The following OPHN1 variants were observed in gnomAD, a reference collection of about 807,000 sequenced individuals.
OPHN1 encodes oligophrenin-1.
A neutral mutation model predicts 60.7 loss-of-function variants in OPHN1; 11 were observed. The ratio of observed to expected loss-of-function variants is 0.18; its 90% CI spans 0.11 to 0.30. OPHN1 has a LOEUF of 0.30. Among genes scored for constraint, OPHN1 ranks in the 10% least tolerant of loss-of-function variants. The probability of loss-of-function intolerance (pLI) is 1.00; values close to 1 mark genes in which losing one functional copy is unlikely to be tolerated. For synonymous variants in OPHN1, 226 were observed against 222.6 expected, an observed-to-expected ratio of 1.02 and a Z score of -0.14; for missense variants, 449 against 611.0, an observed-to-expected ratio of 0.73 and a Z score of 2.80.
In OPHN1 at chrX:68,193,028, T is replaced by A. The variant is rs759312359; in HGVS notation, c.1202-35A>T. On this transcript the variant is annotated intron_variant, in intron 14 of 24. Transcript: ENST00000355520. Reference sequence around the variant, plus strand: ...GAAAAAATCAGGTTAATTTCACTTGTATAGCTAGAGTTGTCATCTCCCCTT... The same window carrying A: ...GAAAAAATCAGGTTAATTTCACTTGAATAGCTAGAGTTGTCATCTCCCCTT... The A allele has an allele frequency of 4.6e-6, 5 of 1,081,285 alleles. No homozygotes were observed. The South Asian group carries it at 9.3e-5, about 20-fold the overall frequency. 89.1% of individuals were successfully genotyped at this position (1,081,285 alleles called of 1,213,427 possible).
In OPHN1 at chrX:68,422,813, AAAAG is replaced by A. The variant is rs746621814; in HGVS notation, c.154+10050_154+10053del. ...AGGGAGGGAGGGAGGGAGGGAGGGA[AAAAG>A]AAAGAAAGAAAGAGAAAGAGGAAAG... On this transcript the variant is annotated intron_variant, in intron 2 of 24. Transcript: ENST00000355520. Among the ~76,000 whole-genome samples the A allele has an allele frequency of 7.1e-4, 74 of 104,382 alleles. 1 individual carries two copies. The highest frequency in any genetic ancestry group is 2.2e-3 in the African/African-American group (62 of 28,620). The allele number at this position is 104,382 out of a possible 115,157, so 90.6% of individuals were successfully genotyped here.
intron 19 of OPHN1, 105 bp downstream of exon 19, chrX:68,096,765 T>C (rs2077039597): frequency 1.6e-5 from 13 of 826,850 alleles, no homozygotes; most frequent in Non-Finnish European, 2.4e-5. Context: ...TGGGATTTCC[T>C]TTCACTGTCA....
intron 6 of OPHN1, among the ~76,000 whole-genome samples, chrX:68,228,692 C>G (rs957660158): frequency 3.6e-5 from 4 of 110,906 alleles, no homozygotes; most frequent in Non-Finnish European, 7.5e-5. Flanking sequence ...GCAGAAAAGG[C>G]CTATGACAAA....
At chrX:68,158,800 A>G (rs1849331871) in intron 15 of OPHN1, among the ~76,000 whole-genome samples, 1 of 111,894 alleles carries the variant, frequency 8.9e-6, no homozygotes, top group South Asian at 3.7e-4. Context: ...CAAAAGCTCT[A>G]TGGAGGCAAT....
chrX:68,362,066 A>T (rs1196625172), intron 2 of OPHN1, among the ~76,000 whole-genome samples: 1 of 112,144 alleles, frequency 8.9e-6, no homozygotes, highest in African/African-American at 3.2e-5. Flanking sequence ...AAATCAGGTT[A>T]TTCATTTCCT....
chrX:68,211,329 C>A (rs183363208), intron 8 of OPHN1, among the ~76,000 whole-genome samples: 3 of 112,255 alleles, frequency 2.7e-5, no homozygotes, highest in Admixed American at 9.4e-5. Flanking sequence ...CTGACTCTAC[C>A]AGGTAGCCAA....
At chrX:68,320,780 A>G in intron 2 of OPHN1, among the ~76,000 whole-genome samples, 1 of 111,735 alleles carries the variant, frequency 8.9e-6, no homozygotes, top group Non-Finnish European at 1.9e-5. Flanking sequence ...ACCCAAGTCC[A>G]GGTCTCTGGA....
intron 2 of OPHN1, among the ~76,000 whole-genome samples, chrX:68,423,315 G>A (rs2078839461): frequency 9.0e-6 from 1 of 111,548 alleles, no homozygotes; most frequent in Non-Finnish European, 1.9e-5. Context: ...ATGAGCCACC[G>A]CGCCCAGCCA....
intron 15 of OPHN1, chrX:68,133,082 G>T (rs993007280): frequency 3.9e-5 from 21 of 540,845 alleles, no homozygotes; most frequent in Non-Finnish European, 6.0e-5. Context: ...TACAATTCCG[G>T]AGAAAATTTT....
At chrX:68,324,131 A>G (rs761794234) in intron 2 of OPHN1, among the ~76,000 whole-genome samples, 2 of 112,032 alleles carry the variant, frequency 1.8e-5, no homozygotes, top group Admixed American at 1.9e-4. Flanking sequence ...AAAGTTAGAT[A>G]AAGTGTAAAG....
intron 2 of OPHN1, among the ~76,000 whole-genome samples, chrX:68,417,728 C>G (rs1190077610): frequency 8.9e-6 from 1 of 112,218 alleles, no homozygotes; most frequent in Non-Finnish European, 1.9e-5. Flanking sequence ...GCTTTCAGAA[C>G]AACTGGAAGC....
In OPHN1 at chrX:68,310,547, G is replaced by C. The variant is rs916983834; in HGVS notation, c.155-11451C>G. Among the ~76,000 whole-genome samples, 6 of 110,338 alleles carry C rather than the reference G, an allele frequency of 5.4e-5. No individual in the cohort carries two copies. In the Admixed American group the frequency reaches 5.9e-4, roughly 11 times the overall value. On this transcript the variant is annotated intron_variant, in intron 2 of 24. Coordinates refer to ENST00000355520, the MANE Select transcript of OPHN1 (RefSeq NM_002547.3). ...CAGTTGAAAATTATAAACCACACTA[G>C]GAAACCAATATGAGAGCCAGGCAGC...
At chrX:68,408,762 G>A (rs2078755888) in intron 2 of OPHN1, among the ~76,000 whole-genome samples, 1 of 112,645 alleles carries the variant, frequency 8.9e-6, no homozygotes, top group Non-Finnish European at 1.9e-5. Context: ...AGGAATTCGA[G>A]ACCAGCCTGG....
intron 2 of OPHN1, among the ~76,000 whole-genome samples, chrX:68,389,249 A>G (rs1205651635): frequency 9.3e-6 from 1 of 107,752 alleles, no homozygotes; most frequent in South Asian, 4.2e-4. Context: ...GAGCCACCAC[A>G]CCTGGCCAGA....
chrX:68,192,275 G>A (rs949882622), intron 15 of OPHN1, among the ~76,000 whole-genome samples: 3 of 110,855 alleles, frequency 2.7e-5, no homozygotes, highest in East Asian at 2.8e-4. Flanking sequence ...AAGGCAAGAG[G>A]ATGATTGAAG....
chrX:68,368,235 C>G (rs778665128), intron 2 of OPHN1, among the ~76,000 whole-genome samples: 3 of 111,230 alleles, frequency 2.7e-5, no homozygotes, highest in Non-Finnish European at 5.7e-5. Flanking sequence ...TGAGGACGTT[C>G]AAAAGCAACT....
At chrX:68,213,768 G>A (rs2077595884) in intron 7 of OPHN1, 94 bp downstream of exon 7, 5 of 567,092 alleles carry the variant, frequency 8.8e-6, no homozygotes, top group Middle Eastern at 4.2e-4. Flanking sequence ...TATCCTTCAC[G>A]TTCTTTGGGA....
chrX:68,139,958 T>C lies in OPHN1; in HGVS notation c.1277-20626A>G, dbSNP rs183204287. On this transcript the variant is annotated intron_variant, in intron 15 of 24. Coordinates refer to ENST00000355520, the MANE Select transcript of OPHN1 (RefSeq NM_002547.3). ...TGAGCAAGTGCCAGCTGACACACAT[T>C]CCCAGTGGAATCTTCCCTGGAGCTG... Among the ~76,000 whole-genome samples, 8 of 112,223 alleles carry C rather than the reference T, an allele frequency of 7.1e-5. No individual in the cohort carries two copies. In the East Asian group the frequency reaches 2.2e-3, roughly 31 times the overall value.
At chrX:68,265,159 T>G (rs1367109308) in intron 5 of OPHN1, among the ~76,000 whole-genome samples, 1 of 112,206 alleles carries the variant, frequency 8.9e-6, no homozygotes, top group African/African-American at 3.2e-5. Context: ...AATGTCCCTG[T>G]CTGACAGCTT....
Sources: gnomAD v4.1 joint callset for allele counts (sites outside exome capture counted in the v4.1 genomes callset) on GRCh38, gnomAD v4.1.1 for gene constraint, MANE v1.5 for transcripts, NCBI Gene and HGNC (gene_info 2026-07-23, HGNC 2026-07-21) for gene names.